Variants in SORCS1 observed in about 807,000 individuals in gnomAD.
SORCS1 encodes sortilin related VPS10 domain containing receptor 1, also known as VPS10 domain-containing receptor SorCS1.
SORCS1 carries 60 observed loss-of-function variants against 146.1 expected under a neutral mutation model. The observed-to-expected ratio is 0.41, with a 90% CI of 0.33 to 0.51. The LOEUF (loss-of-function observed/expected upper bound fraction) is 0.51, where lower values mean the gene tolerates loss of function less well. Among genes scored for constraint, SORCS1 ranks in the 20% least tolerant of loss-of-function variants. The pLI is 0.21. For synonymous variants in SORCS1, 637 were observed against 584.0 expected (o/e 1.09, Z -1.31); for missense variants, 1,352 against 1,487.6 (o/e 0.91, Z 1.50).
intron 10 of SORCS1, among the ~76,000 whole-genome samples, chr10:106,681,434 G>C (rs373591836): frequency 2.0e-5 from 3 of 152,080 alleles, no homozygotes; most frequent in Admixed American, 6.6e-5. Flanking sequence ...GTACTGTTTC[G>C]CATCTTTTGT....
chr10:106,918,226 T>C (rs1952538573), intron 2 of SORCS1, among the ~76,000 whole-genome samples: 1 of 152,178 alleles, frequency 6.6e-6, no homozygotes, highest in African/African-American at 2.4e-5. Context: ...AGTGGTGCGA[T>C]TTCAGCTCAC....
intron 18 of SORCS1, among the ~76,000 whole-genome samples, chr10:106,646,749 C>G (rs1849467664): frequency 6.6e-6 from 1 of 151,770 alleles, no homozygotes; most frequent in Admixed American, 6.6e-5. Context: ...GATTGACAAT[C>G]CAGTTATAAT....
At chr10:106,934,158 C>A (rs1262718072) in intron 2 of SORCS1, among the ~76,000 whole-genome samples, 1 of 150,364 alleles carries the variant, frequency 6.7e-6, no homozygotes, top group African/African-American at 2.4e-5. Flanking sequence ...TAGACATTGG[C>A]GTGGATGTGG....
At chr10:106,902,551 T>C (rs754829952) in intron 2 of SORCS1, among the ~76,000 whole-genome samples, 1 of 152,196 alleles carries the variant, frequency 6.6e-6, no homozygotes, top group Non-Finnish European at 1.5e-5. Flanking sequence ...TAATTTCATA[T>C]ATGGCATGAA....
chr10:106,940,809 G>A (rs902701137), intron 2 of SORCS1, among the ~76,000 whole-genome samples: 1 of 152,186 alleles, frequency 6.6e-6, no homozygotes, highest in Admixed American at 6.5e-5. Flanking sequence ...GCTTGAACCC[G>A]AGAGGTGGAG....
intron 2 of SORCS1, among the ~76,000 whole-genome samples, chr10:106,878,648 A>ATATATATATATATATATATATT (rs1950694239): frequency 7.7e-6 from 1 of 129,830 alleles, no homozygotes; most frequent in Non-Finnish European, 1.7e-5. Flanking sequence ...ATATATATAT[A>ATATATATATATATATATATATT]TTTTATAGCA....
chr10:107,046,806 G>A (rs1959498487), intron 1 of SORCS1, among the ~76,000 whole-genome samples: 1 of 152,140 alleles, frequency 6.6e-6, no homozygotes, highest in African/African-American at 2.4e-5. Context: ...AGCCTCTCAT[G>A]AGGACCCAAA....
intron 2 of SORCS1, among the ~76,000 whole-genome samples, chr10:106,948,581 GGA>G (rs1230746419): frequency 1.3e-5 from 2 of 151,816 alleles, no homozygotes; most frequent in African/African-American, 4.8e-5. Context: ...GGCTGAGGCT[GGA>G]GGACTGCTTG....
intron 2 of SORCS1, among the ~76,000 whole-genome samples, chr10:106,831,061 C>T (rs1473936878): frequency 6.6e-6 from 1 of 152,038 alleles, no homozygotes; most frequent in Non-Finnish European, 1.5e-5. Flanking sequence ...AGCATGGTGG[C>T]AGTCGTCTAT....
chr10:106,841,182 A>C (rs1338937059), intron 2 of SORCS1, among the ~76,000 whole-genome samples: 1 of 152,024 alleles, frequency 6.6e-6, no homozygotes. Context: ...AAATATGTAC[A>C]TTGGTGGCCA....
At chr10:106,593,056 G>C (rs913284837) in intron 24 of SORCS1, among the ~76,000 whole-genome samples, 7 of 151,358 alleles carry the variant, frequency 4.6e-5, no homozygotes, top group African/African-American at 1.7e-4. Context: ...TTGAGCCCAG[G>C]GGGCAGAGGT....
At chr10:107,010,839 T>C (rs150236124) in intron 1 of SORCS1, among the ~76,000 whole-genome samples, 132 of 152,322 alleles carry the variant, frequency 8.7e-4, no homozygotes, top group African/African-American at 2.8e-3. Context: ...TTTTCCGCTA[T>C]AGTGAATGTG....
intron 18 of SORCS1, among the ~76,000 whole-genome samples, chr10:106,652,122 T>C (rs1211301389): frequency 2.0e-5 from 3 of 152,164 alleles, no homozygotes; most frequent in Admixed American, 6.6e-5. Flanking sequence ...TAAGGCAAGA[T>C]TAAATCCAAC....
In SORCS1 at chr10:106,878,620, G is replaced by GTGTATATATATATATATATATATATA. The variant is rs904386657; in HGVS notation, c.627-48948_627-48947insTATATATATATATATATATATATACA. Among the ~76,000 whole-genome samples the GTGTATATATATATATATATATATATA allele has an allele frequency of 2.1e-3, 175 of 84,902 alleles. 10 individuals carry two copies. Among genetic ancestry groups the GTGTATATATATATATATATATATATA allele is most frequent in the African/African-American group, 6.4e-3 (139 of 21,776 alleles). The allele number at this position is 84,902 out of a possible 152,430, so 55.7% of individuals were successfully genotyped here. A position where few individuals can be genotyped will look rare whatever the true frequency, so the allele number is the denominator to read the frequency against. ...AAATTTGTTTTTTATAAACTACCTA[G>GTGTATATATATATATATATATATATA]TATATATATATATATATATATATAT... On this transcript the variant is annotated intron_variant, in intron 2 of 25. Coordinates refer to ENST00000263054, the MANE Select transcript of SORCS1 (RefSeq NM_052918.5).
intron 1 of SORCS1, among the ~76,000 whole-genome samples, chr10:106,981,643 C>T (rs910381698): frequency 2.6e-5 from 4 of 152,138 alleles, no homozygotes; most frequent in Admixed American, 2.6e-4. Flanking sequence ...AAAAGAATAA[C>T]TGCATTTTTC....
the SORCS1 span, among the ~76,000 whole-genome samples, chr10:107,180,673 G>A: frequency 1.3e-5 from 2 of 152,114 alleles, no homozygotes; most frequent in East Asian, 3.9e-4. Context: ...CTTACTTTGA[G>A]TTTATTTTTC....
chr10:106,690,814 G>T (rs143891149), intron 9 of SORCS1, among the ~76,000 whole-genome samples: 196 of 152,238 alleles, frequency 1.3e-3, no homozygotes, highest in African/African-American at 4.3e-3. Context: ...CCTAGTCTTA[G>T]GTTTTTGTGC....
rs533890990 is a variant in SORCS1 at position 106,652,415 on chromosome 10, T to C, written c.2442A>G (p.Gly814=). 43 of 1,614,006 alleles carry C rather than the reference T, an allele frequency of 2.7e-5. No individual in the cohort carries two copies. Among genetic ancestry groups the C allele is most frequent in the South Asian group, 1.4e-4 (13 of 91,090 alleles). The change falls in exon 18 of 26, where the codon GGA becomes GGG. Residue 814 remains glycine (G), a synonymous_variant. Coordinates refer to ENST00000263054, the MANE Select transcript of SORCS1 (RefSeq NM_052918.5). ...ATTGCACCATGAGAGTGACGTTGTG[T>C]CCTTGTTCCGCTGTCAGCTTTCCAT... ...TADGKLTAEQ[G]HNVTLMVQLE... is the part of the protein sequence containing the mutation.
intron 2 of SORCS1, among the ~76,000 whole-genome samples, chr10:106,862,379 T>C (rs1437024368): frequency 6.6e-6 from 1 of 152,210 alleles, no homozygotes; most frequent in African/African-American, 2.4e-5. Flanking sequence ...ATCATTACAA[T>C]GTCTTTTAAT....
Sources: allele counts gnomAD v4.1 joint callset (sites outside exome capture counted in the v4.1 genomes callset), GRCh38; gene constraint gnomAD v4.1.1; transcripts MANE v1.5; gene names NCBI Gene and HGNC (gene_info 2026-07-23, HGNC 2026-07-21).